Variants in CDH3 observed in about 807,000 individuals in gnomAD.
CDH3 encodes cadherin-3.
Under a neutral mutation model 82.0 loss-of-function variants are expected in CDH3, and 54 were observed. That is an observed-to-expected ratio of 0.66 (90% CI 0.53 to 0.83). The LOEUF (loss-of-function observed/expected upper bound fraction) is 0.83, where lower values mean the gene tolerates loss of function less well. CDH3 is among the 40% of genes least tolerant of loss of function. The probability of loss-of-function intolerance (pLI) is 0.00; values close to 1 mark genes in which losing one functional copy is unlikely to be tolerated. For synonymous variants in CDH3, 446 were observed against 437.9 expected (o/e 1.02, Z -0.23); for missense variants, 1,054 against 1,084.6 (o/e 0.97, Z 0.40).
intron 1 of CDH3, among the ~76,000 whole-genome samples, chr16:68,718,451 G>C (rs1167797143): frequency 6.6e-6 from 1 of 151,506 alleles, no homozygotes; most frequent in Non-Finnish European, 1.5e-5. Context: ...AGGCCGAGGC[G>C]GGTGGATCAT....
chr16:68,694,917 T>C (rs1961672603), intron 13 of CDH3, among the ~76,000 whole-genome samples: 1 of 152,066 alleles, frequency 6.6e-6, no homozygotes, highest in African/African-American at 2.4e-5. Flanking sequence ...AGAGCTGACA[T>C]GTGGGAGCCA....
chr16:68,658,040 A>C (rs1960451699), intron 2 of CDH3, among the ~76,000 whole-genome samples: 1 of 149,824 alleles, frequency 6.7e-6, no homozygotes, highest in African/African-American at 2.5e-5. Context: ...GGTATTCCCC[A>C]TATCTCCCAG....
chr16:68,672,190 C>CA (rs36172561), intron 2 of CDH3, among the ~76,000 whole-genome samples: 1,690 of 71,020 alleles, frequency 0.024, 16 homozygotes, highest in Middle Eastern at 0.042. Flanking sequence ...GACTCCGTCT[C>CA]AAAAAAAAAA....
intron 12 of CDH3, among the ~76,000 whole-genome samples, chr16:68,690,433 A>C (rs1961531363): frequency 6.6e-6 from 1 of 150,386 alleles, no homozygotes; most frequent in Non-Finnish European, 1.5e-5. Context: ...CCAGCCTGAC[A>C]CAAAATCCAC....
chr16:68,682,800 A>G (rs1961269755), intron 9 of CDH3, among the ~76,000 whole-genome samples: 1 of 152,164 alleles, frequency 6.6e-6, no homozygotes, highest in Non-Finnish European at 1.5e-5. Context: ...ATTGAAATCC[A>G]TGTTGACTTT....
At chr16:68,646,350 ACGGGAACCACCCCGC>A (rs1482444818) in intron 2 of CDH3, among the ~76,000 whole-genome samples, 2 of 152,086 alleles carry the variant, frequency 1.3e-5, no homozygotes, top group Non-Finnish European at 2.9e-5. Flanking sequence ...GCCATCACGT[ACGGGAACCACCCCGC>A]CCCCAGCGTC....
intron 15 of CDH3, among the ~76,000 whole-genome samples, chr16:68,697,298 T>C (rs1961756543): frequency 6.6e-6 from 1 of 151,414 alleles, no homozygotes; most frequent in South Asian, 2.1e-4. Context: ...CACTCCAGCC[T>C]GGGCAACAAA....
chr16:68,653,544 A>T (rs1243517990), intron 2 of CDH3, among the ~76,000 whole-genome samples: 3 of 151,554 alleles, frequency 2.0e-5, no homozygotes, highest in African/African-American at 4.8e-5. Flanking sequence ...GCCGGCAGCA[A>T]GTTTTTATTA....
At chr16:68,646,013 AG>A (rs1960048581) in intron 2 of CDH3, 1 of 518,638 alleles carries the variant, frequency 1.9e-6, no homozygotes, top group Non-Finnish European at 3.5e-6. Flanking sequence ...CGGATGGCTG[AG>A]CCCCTCACCC....
intron 2 of CDH3, among the ~76,000 whole-genome samples, chr16:68,657,407 G>C (rs1043666063): frequency 2.0e-5 from 3 of 152,106 alleles, no homozygotes; most frequent in Admixed American, 6.5e-5. Context: ...CCAGCTACTC[G>C]GGAGGCTGAG....
At chr16:68,679,714 A>AAAAAAAG (rs1961153257) in intron 6 of CDH3, 85 bp from the exon 7 acceptor site, 2 of 806,192 alleles carry the variant, frequency 2.5e-6, no homozygotes, top group South Asian at 1.6e-5. Context: ...AAAAAAAAAA[A>AAAAAAAG]AAAAGAAAAG....
At chr16:68,650,140 A>G (rs960329711) in intron 2 of CDH3, among the ~76,000 whole-genome samples, 6 of 151,786 alleles carry the variant, frequency 4.0e-5, no homozygotes, top group Admixed American at 1.3e-4. Context: ...TGCAGGCCTC[A>G]GTTTCCCCAC....
chr16:68,717,017 G>A (rs1162212357), intron 1 of CDH3, among the ~76,000 whole-genome samples: 1 of 151,812 alleles, frequency 6.6e-6, no homozygotes, highest in African/African-American at 2.4e-5. Flanking sequence ...ATAGGCATAA[G>A]CCAACAGGCC....
intron 2 of CDH3, among the ~76,000 whole-genome samples, chr16:68,655,990 G>C (rs544813261): frequency 6.6e-6 from 1 of 152,316 alleles, no homozygotes; most frequent in African/African-American, 2.4e-5. Context: ...CAAGGAAGAA[G>C]AATTAGGCAA....
intron 2 of CDH3, among the ~76,000 whole-genome samples, chr16:68,650,094 G>A (rs1960195389): frequency 1.3e-5 from 2 of 151,880 alleles, no homozygotes; most frequent in Admixed American, 1.3e-4. Context: ...GAGGGGGTCA[G>A]GTTTAGCCCC....
At chr16:68,648,326 T>C (rs749603019) in intron 2 of CDH3, among the ~76,000 whole-genome samples, 1 of 152,206 alleles carries the variant, frequency 6.6e-6, no homozygotes, top group Non-Finnish European at 1.5e-5. Flanking sequence ...TGAATGAATT[T>C]GACAACCTTG....
At position 68,719,308 on chromosome 16, in the gene CDH3, T is replaced by A. The variant is rs191992092; in HGVS notation, c.100-3117T>A. Among the ~76,000 whole-genome samples the A allele has an allele frequency of 9.6e-4, 145 of 150,690 alleles. 1 individual carries two copies. The highest frequency in any genetic ancestry group is 9.6e-3 in the Admixed American group (145 of 15,122). Reference sequence around the variant, plus strand: ...TGAACTACAGACATACACAACAATATGCTCAAAAGCATTTTGCTAAGTGAA... The same window carrying A: ...TGAACTACAGACATACACAACAATAAGCTCAAAAGCATTTTGCTAAGTGAA... On this transcript the variant is annotated intron_variant, in intron 1 of 2. Coordinates refer to the CDH3 transcript ENST00000569080.
intron 4 of CDH3, 64 bp downstream of exon 4, chr16:68,678,341 A>T: frequency 6.2e-7 from 1 of 1,603,208 alleles, no homozygotes; most frequent in South Asian, 1.1e-5. Context: ...AAAGGCCTGC[A>T]TGAGATTTCT....
chr16:68,704,160 G>A (rs1961931795), downstream of CDH3, among the ~76,000 whole-genome samples: 1 of 151,132 alleles, frequency 6.6e-6, no homozygotes. Context: ...GGTGGCGGGC[G>A]CCTGTAGTCC....
Sources: allele counts gnomAD v4.1 joint callset (sites outside exome capture counted in the v4.1 genomes callset), GRCh38; gene constraint gnomAD v4.1.1; transcripts MANE v1.5; gene names NCBI Gene and HGNC (gene_info 2026-07-23, HGNC 2026-07-21).